The following ITGA6 variants were observed in gnomAD, a reference collection of about 807,000 sequenced individuals.
The protein encoded by ITGA6 is integrin subunit alpha 6.
ITGA6 carries 63 observed loss-of-function variants against 133.6 expected under a neutral mutation model. That is an observed-to-expected ratio of 0.47 (90% CI 0.38 to 0.58). The LOEUF (loss-of-function observed/expected upper bound fraction) is 0.58. Ranked by LOEUF, ITGA6 falls within the 20% of genes least tolerant of loss-of-function variation. ITGA6 has a pLI of 0.00. For missense variants in ITGA6, 1,068 were observed against 1,309.4 expected, an observed-to-expected ratio of 0.82 and a Z score of 2.85; for synonymous variants, 434 against 482.0, an observed-to-expected ratio of 0.90 and a Z score of 1.30.
intron 1 of ITGA6, among the ~76,000 whole-genome samples, chr2:172,456,997 T>A (rs1477372129): frequency 6.6e-6 from 1 of 152,072 alleles, no homozygotes; most frequent in Non-Finnish European, 1.5e-5. Flanking sequence ...AAATAAATAA[T>A]TTAAAGAAGG....
Position 172,463,473 on chromosome 2 carries a change from T to C in ITGA6, c.183-2066T>C, listed in dbSNP as rs1342656608. Among the ~76,000 whole-genome samples the C allele has an allele frequency of 2.0e-5, 3 of 152,186 alleles. No individual in the cohort carries two copies. In the East Asian group the frequency reaches 5.8e-4, roughly 29 times the overall value. ...ACTTTTATCAGCATACAGAACAGTT[T>C]TGGTTGTGATGTTTTATTTGTGTAA... On this transcript the variant is annotated intron_variant, in intron 1 of 25. Transcript: ENST00000684293.
chr2:172,494,364 C>T (rs1239104685), intron 23 of ITGA6, among the ~76,000 whole-genome samples: 1 of 151,992 alleles, frequency 6.6e-6, no homozygotes, highest in Non-Finnish European at 1.5e-5. Flanking sequence ...AGAAATTAGC[C>T]AGGTGGGGTG....
At chr2:172,446,730 G>T (rs902978686) in intron 1 of ITGA6, among the ~76,000 whole-genome samples, 1 of 152,202 alleles carries the variant, frequency 6.6e-6, no homozygotes, top group Non-Finnish European at 1.5e-5. Context: ...ACAAGATCTG[G>T]CAGCTGCCTT....
intron 1 of ITGA6, 71 bp downstream of exon 1, chr2:172,428,041 C>T: frequency 6.7e-7 from 1 of 1,501,726 alleles, no homozygotes; most frequent in Non-Finnish European, 8.9e-7. Context: ...AGGGCGCGCC[C>T]TGTTCCCGCC....
chr2:172,471,584 T>C (rs1685939952), intron 5 of ITGA6, among the ~76,000 whole-genome samples: 1 of 152,204 alleles, frequency 6.6e-6, no homozygotes, highest in Non-Finnish European at 1.5e-5. Flanking sequence ...TCTCCAAGGA[T>C]TAGCCCTGCT....
chr2:172,481,425 A>G lies in ITGA6; in HGVS notation c.1549+1374A>G. 1.3e-5 allele frequency among the ~76,000 whole-genome samples: 2 copies of G among 152,212 alleles called. 1 individual carries two copies. The highest frequency in any genetic ancestry group is 3.8e-4 in the East Asian group (2 of 5,204). On this transcript the variant is annotated intron_variant, in intron 11 of 25. Transcript: ENST00000684293. ...CTTCTTTAACTTTATATGAAGTTTT[A>G]TATAACACTAATGAATGTATCCACT...
At chr2:172,450,685 T>C (rs981145664) in intron 1 of ITGA6, among the ~76,000 whole-genome samples, 9 of 151,934 alleles carry the variant, frequency 5.9e-5, no homozygotes, top group Non-Finnish European at 1.3e-4. Context: ...CCGGGCATGG[T>C]GCCTCAAGCC....
chr2:172,491,699 A>G lies in ITGA6; in HGVS notation c.2988+176A>G, dbSNP rs1686937085. Among the ~76,000 whole-genome samples, 1 of 152,164 alleles carries G rather than the reference A, an allele frequency of 6.6e-6. No individual in the cohort carries two copies. The highest frequency in any genetic ancestry group is 2.1e-4 in the South Asian group (1 of 4,822). On this transcript the variant is annotated intron_variant, in intron 23 of 25. Coordinates refer to ENST00000684293, the MANE Select transcript of ITGA6 (RefSeq NM_000210.4). The surrounding 1 kb of genome is among the most constrained non-coding windows in gnomAD (Gnocchi z 4.4). ...GTATTTTAATAGAATCATTGAAAAA[A>G]AGAAGTAAATCTAGGGTCATCCAGT... is the stretch of plus-strand genomic sequence containing the variant.
chr2:172,453,018 G>A (rs967555645), intron 1 of ITGA6, among the ~76,000 whole-genome samples: 4 of 152,148 alleles, frequency 2.6e-5, no homozygotes, highest in Admixed American at 6.5e-5. Context: ...GCAGGGAGGT[G>A]GGCCCCGTCA....
intron 11 of ITGA6, among the ~76,000 whole-genome samples, chr2:172,483,445 C>T (rs1251420303): frequency 3.9e-5 from 6 of 152,298 alleles, no homozygotes; most frequent in South Asian, 4.1e-4. Flanking sequence ...TCTGTGTTTT[C>T]TGTAGCAGAT....
intron 1 of ITGA6, among the ~76,000 whole-genome samples, chr2:172,449,102 AT>A (rs1205186395): frequency 6.6e-6 from 1 of 152,134 alleles, no homozygotes. Context: ...CTCCTGGTGG[AT>A]GGCCAGGGTG....
chr2:172,449,753 C>T (rs1004084128), intron 1 of ITGA6, among the ~76,000 whole-genome samples: 2 of 151,936 alleles, frequency 1.3e-5, no homozygotes, highest in East Asian at 3.9e-4. Context: ...GAAACCCCGT[C>T]TCTACTAAAA....
chr2:172,469,500 A>G (rs1179550300), intron 4 of ITGA6, 120 bp downstream of exon 4: 16 of 878,970 alleles, frequency 1.8e-5, no homozygotes, highest in Non-Finnish European at 2.8e-5. Flanking sequence ...GTTGGGTAGG[A>G]TATTAAAAAT....
chr2:172,495,172 C>G (rs373427203), intron 23 of ITGA6, among the ~76,000 whole-genome samples: 1 of 152,202 alleles, frequency 6.6e-6, no homozygotes, highest in African/African-American at 2.4e-5. Context: ...TGGCAGTTGA[C>G]AAGCTAATGT....
Position 172,475,116 on chromosome 2 carries a change from T to C in ITGA6, c.1174T>C (p.Tyr392His). The stretch of plus-strand genomic sequence containing the variant: ...TATTGGAGATATTAATCAAGATGGC[T>C]ACCCAGGTAGATAATAGATTATGAA... ...KNIGDINQDG[Y>H]PDIAVGAPYD... Residue 392 changes from tyrosine to histidine, a missense_variant, in exon 7 of 26, where the codon TAC (tyrosine) becomes CAC (histidine). Physicochemically the swap from Tyr to His is moderately conservative, Grantham distance 83. Coordinates refer to ENST00000684293, the MANE Select transcript of ITGA6 (RefSeq NM_000210.4). 6.5e-7 allele frequency: 1 copy of C among 1,529,894 alleles called. No individual in the cohort carries two copies. The highest frequency in any genetic ancestry group is 9.1e-7 in the Non-Finnish European group (1 of 1,103,076). The allele number at this position is 1,529,894 out of a possible 1,614,324, so 94.8% of individuals were successfully genotyped here. A position where few individuals can be genotyped will look rare whatever the true frequency, so the allele number is the denominator to read the frequency against.
intron 1 of ITGA6, among the ~76,000 whole-genome samples, chr2:172,444,874 C>T (rs1465619955): frequency 6.6e-6 from 1 of 152,106 alleles, no homozygotes; most frequent in African/African-American, 2.4e-5. Flanking sequence ...CCAAGCCATA[C>T]TGGTCCCTAA....
intron 24 of ITGA6, among the ~76,000 whole-genome samples, chr2:172,500,127 C>G (rs1484301245): frequency 6.6e-6 from 1 of 151,966 alleles, no homozygotes; most frequent in Non-Finnish European, 1.5e-5. Context: ...TTTTGTATAT[C>G]CATGTAGAGG....
intron 4 of ITGA6, among the ~76,000 whole-genome samples, chr2:172,469,629 G>T (rs912420031): frequency 6.6e-6 from 1 of 151,974 alleles, no homozygotes; most frequent in Non-Finnish European, 1.5e-5. Flanking sequence ...TTTTTTAGCA[G>T]GAATATAATA....
Position 172,485,143 on chromosome 2 carries a change from G to T in ITGA6, c.1733G>T (p.Arg578Leu), listed in dbSNP as rs533796307. 2 of 1,613,974 alleles carry T rather than the reference G, an allele frequency of 1.2e-6. No individual in the cohort carries two copies. Among genetic ancestry groups the T allele is most frequent in the African/African-American group, 2.7e-5 (2 of 75,022 alleles). ...WLQDNIRDKL[R>L]PIPITASVEI... ...CAGGATAATATCAGAGATAAACTGC[G>T]TCCCATTCCCATAACTGCCTCAGTG... Residue 578 changes from arginine to leucine, a missense_variant, in exon 13 of 26, where the codon CGT (arginine) becomes CTT (leucine). Physicochemically the swap from Arg to Leu is moderately radical, Grantham distance 102. Transcript: ENST00000684293.
Sources: allele counts gnomAD v4.1 joint callset (sites outside exome capture counted in the v4.1 genomes callset), GRCh38; gene constraint gnomAD v4.1.1; non-coding constraint Gnocchi (gnomAD v3.1); transcripts MANE v1.5; gene names NCBI Gene and HGNC (gene_info 2026-07-23, HGNC 2026-07-21).